The following TREM1 variants were observed in gnomAD, a reference collection of about 807,000 sequenced individuals.
The protein encoded by TREM1 is triggering receptor expressed on myeloid cells 1, also known as triggering receptor expressed on monocytes 1.
In TREM1, 16 loss-of-function variants were observed where a neutral mutation model predicts 22.4. That is an observed-to-expected ratio of 0.71 (90% CI 0.48 to 1.08). The LOEUF (loss-of-function observed/expected upper bound fraction) is 1.08, where lower values mean the gene tolerates loss of function less well. TREM1 is among the 50% of genes least tolerant of loss of function. The pLI is 0.00. For missense variants in TREM1, 283 were observed against 282.9 expected (o/e 1.00, Z 0.00); for synonymous variants, 110 against 111.6 (o/e 0.99, Z 0.09).
chr6:41,275,984 G>T lies in TREM1; in HGVS notation c.*141C>A, dbSNP rs531833576. The T allele has an allele frequency of 7.6e-6, 5 of 658,018 alleles. No homozygotes were observed. Among genetic ancestry groups the T allele is most frequent in the Admixed American group, 2.5e-5 (1 of 40,404 alleles). The allele number at this position is 658,018 out of a possible 1,614,324, so 40.8% of individuals were successfully genotyped here. On this transcript the variant is annotated 3_prime_UTR_variant, in exon 4 of 4. Coordinates refer to ENST00000244709, the MANE Select transcript of TREM1 (RefSeq NM_018643.5). ...AGGGCAGTGGGCAGGAAGGTGAGAC[G>T]CTGACTTTAGAAATAGCCGGTGATT... is the stretch of plus-strand genomic sequence containing the variant.
At chr6:41,278,878 C>T (rs1767782947) in intron 3 of TREM1, among the ~76,000 whole-genome samples, 1 of 152,002 alleles carries the variant, frequency 6.6e-6, no homozygotes, top group Admixed American at 6.6e-5. Flanking sequence ...GGAGCAACAC[C>T]AAGGTCTAGG....
At chr6:41,280,526 C>A in intron 3 of TREM1, 1 of 1,067,492 alleles carries the variant, frequency 9.4e-7, no homozygotes, top group Non-Finnish European at 1.1e-6. Flanking sequence ...GGGTTTCTAC[C>A]ATGCCTACTG....
At chr6:41,281,559 G>A (rs879338802) in intron 2 of TREM1, 44 of 207,994 alleles carry the variant, frequency 2.1e-4, no homozygotes, top group South Asian at 8.3e-5. Context: ...TCTGCCTTTC[G>A]TTCACCTGGC....
chr6:41,271,946 A>AGCAGCAGCC (rs1339536106), downstream of TREM1, among the ~76,000 whole-genome samples: 38 of 152,302 alleles, frequency 2.5e-4, no homozygotes, highest in African/African-American at 8.9e-4. Context: ...GAGCAGCAGC[A>AGCAGCAGCC]GCAGCAGCCA....
intron 3 of TREM1, chr6:41,280,362 G>A (rs1767855662): frequency 2.0e-6 from 2 of 986,964 alleles, no homozygotes; most frequent in African/African-American, 3.5e-5. Flanking sequence ...TACTGAGAGG[G>A]ACCTCATCTG....
intron 1 of TREM1, among the ~76,000 whole-genome samples, chr6:41,283,755 C>T (rs1224288123): frequency 1.3e-5 from 2 of 151,834 alleles, no homozygotes; most frequent in Admixed American, 1.3e-4. Flanking sequence ...CAAAGTACCC[C>T]ATCTCCCTGC....
intron 2 of TREM1, chr6:41,282,081 G>T (rs781630137): frequency 2.7e-4 from 79 of 294,522 alleles, no homozygotes; most frequent in Non-Finnish European, 3.2e-4. Flanking sequence ...GCCACCAAAC[G>T]CATCCTTGGG....
intron 1 of TREM1, among the ~76,000 whole-genome samples, chr6:41,283,709 T>TA (rs545773140): frequency 2.0e-4 from 30 of 148,908 alleles, no homozygotes; most frequent in East Asian, 1.0e-3. Flanking sequence ...AAGACTCTGT[T>TA]AAAAAAAAAA....
chr6:41,270,590 A>G (rs1036128537), downstream of TREM1, among the ~76,000 whole-genome samples: 1 of 152,048 alleles, frequency 6.6e-6, no homozygotes, highest in African/African-American at 2.4e-5. Flanking sequence ...TACATTTCGT[A>G]GACTGGAAAA....
intron 1 of TREM1, 26 bp downstream of exon 1, chr6:41,286,581 C>T (rs1185028269): frequency 6.2e-7 from 1 of 1,613,552 alleles, no homozygotes; most frequent in South Asian, 1.1e-5. Flanking sequence ...AACGCCTCCC[C>T]TGCTCAGTCC....
chr6:41,271,335 A>G (rs967786531), downstream of TREM1, among the ~76,000 whole-genome samples: 1 of 152,172 alleles, frequency 6.6e-6, no homozygotes, highest in Admixed American at 6.5e-5. Flanking sequence ...ATTTACAGTG[A>G]GGAAACTGAG....
chr6:41,276,907 G>A (rs763059931), intron 3 of TREM1, among the ~76,000 whole-genome samples: 11 of 152,100 alleles, frequency 7.2e-5, no homozygotes, highest in East Asian at 5.8e-4. Context: ...TAAGCCGGAC[G>A]TGGTAGCATG....
chr6:41,282,871 T>C lies in TREM1; in HGVS notation c.50-120A>G, dbSNP rs12524876. 0.11 allele frequency: 98,843 copies of C among 892,880 alleles called. 6,386 individuals are homozygous for C. Among genetic ancestry groups the C allele is most frequent in the East Asian group, 0.29 (12,032 of 41,348 alleles). 55.3% of individuals were successfully genotyped at this position (892,880 alleles called of 1,614,324 possible). A position where few individuals can be genotyped will look rare whatever the true frequency, so the allele number is the denominator to read the frequency against. On this transcript the variant is annotated intron_variant, in intron 1 of 3. Transcript: ENST00000244709. ...ACCACCCATATTTCAGATGAGGTTC[T>C]TGAGGCCTCCAGAGAAAATACAACT...
At chr6:41,277,714 A>G (rs1318188260) in intron 3 of TREM1, among the ~76,000 whole-genome samples, 1 of 152,128 alleles carries the variant, frequency 6.6e-6, no homozygotes, top group Non-Finnish European at 1.5e-5. Flanking sequence ...GCCCTTGCTC[A>G]GTTACTGCCC....
At chr6:41,277,487 C>T (rs1184802767) in intron 3 of TREM1, among the ~76,000 whole-genome samples, 1 of 152,204 alleles carries the variant, frequency 6.6e-6, no homozygotes, top group Non-Finnish European at 1.5e-5. Context: ...ACCTGAATGT[C>T]CTGGCTTCCG....
intron 1 of TREM1, among the ~76,000 whole-genome samples, chr6:41,284,161 T>A (rs369704496): frequency 6.7e-6 from 1 of 150,162 alleles, no homozygotes; most frequent in Non-Finnish European, 1.5e-5. Context: ...CAATTTTTGC[T>A]CCCCGCCACA....
At chr6:41,286,057 G>A (rs1185407440) in intron 1 of TREM1, among the ~76,000 whole-genome samples, 2 of 152,178 alleles carry the variant, frequency 1.3e-5, no homozygotes. Context: ...GGCATGCGCC[G>A]GCTCTGCTGA....
rs1331553462 is a variant in TREM1 at position 41,275,907 on chromosome 6, T to C, written c.*218A>G. On this transcript the variant is annotated 3_prime_UTR_variant, in exon 4 of 4. Coordinates refer to ENST00000244709, the MANE Select transcript of TREM1 (RefSeq NM_018643.5). ...ATGAAGGACCAAGCATGTTTGGGGC[T>C]GTAACTTCTTTTCTGAGGCACAAAT... The C allele has an allele frequency of 5.2e-6, 3 of 574,158 alleles. No individual in the cohort carries two copies. The East Asian group carries it at 8.8e-5, about 17-fold the overall frequency. 35.6% of individuals were successfully genotyped at this position (574,158 alleles called of 1,614,324 possible).
chr6:41,274,651 ACC>A lies in TREM1; in HGVS notation c.*1472_*1473del, dbSNP rs1376944084. ...AGGATGAAATAAATGCCCACCACAC[ACC>A]TTCTAATGGGCTCAAAATTGCGGTT... On this transcript the variant is annotated 3_prime_UTR_variant, in exon 4 of 4. Transcript: ENST00000244709. 6.6e-6 allele frequency among the ~76,000 whole-genome samples: 1 copy of A among 152,002 alleles called. No individual in the cohort carries two copies. Among genetic ancestry groups the A allele is most frequent in the African/African-American group, 2.4e-5 (1 of 41,368 alleles).
Sources: allele counts gnomAD v4.1 joint callset (sites outside exome capture counted in the v4.1 genomes callset), GRCh38; gene constraint gnomAD v4.1.1; transcripts MANE v1.5; gene names NCBI Gene and HGNC (gene_info 2026-07-23, HGNC 2026-07-21).